Variants in NETO2 observed in about 807,000 individuals in gnomAD.
The protein encoded by NETO2 is neuropilin and tolloid-like protein 2.
Under a neutral mutation model 62.5 loss-of-function variants are expected in NETO2, and 28 were observed. The observed-to-expected ratio is 0.45, with a 90% CI of 0.33 to 0.61. The LOEUF (loss-of-function observed/expected upper bound fraction) is 0.61. NETO2 is among the 20% of genes least tolerant of loss of function. NETO2 has a pLI of 0.02. For synonymous variants in NETO2, 214 were observed against 219.1 expected (o/e 0.98, Z 0.21); for missense variants, 548 against 643.2 (o/e 0.85, Z 1.60).
intron 1 of NETO2, among the ~76,000 whole-genome samples, chr16:47,138,818 A>T (rs1964408017): frequency 6.6e-6 from 1 of 152,128 alleles, no homozygotes; most frequent in Admixed American, 6.5e-5. Flanking sequence ...GTACTATGTG[A>T]CCTGGAGCCT....
intron 7 of NETO2, among the ~76,000 whole-genome samples, chr16:47,099,919 A>C (rs1963506682): frequency 6.6e-6 from 1 of 152,254 alleles, no homozygotes; most frequent in Admixed American, 6.5e-5. Flanking sequence ...AAAATTAACA[A>C]GGATATTCAG....
chr16:47,083,023 A>G lies in NETO2; in HGVS notation c.*198T>C. The stretch of plus-strand genomic sequence containing the variant: ...TAGAGATGATTATTGTTTCCACTGA[A>G]TAGAGTAAGTTCCTTGATTGGTTTA... On this transcript the variant is annotated 3_prime_UTR_variant, in exon 9 of 9. Coordinates refer to ENST00000562435, the MANE Select transcript of NETO2 (RefSeq NM_018092.5). The G allele has an allele frequency of 1.9e-6, 1 of 518,074 alleles. No homozygotes were observed. Among genetic ancestry groups the G allele is most frequent in the Non-Finnish European group, 3.4e-6 (1 of 297,462 alleles). 32.1% of individuals were successfully genotyped at this position (518,074 alleles called of 1,614,324 possible).
intron 7 of NETO2, 138 bp from the exon 8 acceptor site, chr16:47,086,477 A>C: frequency 1.6e-6 from 1 of 613,944 alleles, no homozygotes; most frequent in Non-Finnish European, 2.9e-6. Context: ...TATTCAAACA[A>C]TAAGACAAAC....
chr16:47,138,219 G>T (rs1368613621), intron 1 of NETO2, among the ~76,000 whole-genome samples: 1 of 152,174 alleles, frequency 6.6e-6, no homozygotes, highest in Non-Finnish European at 1.5e-5. Context: ...GAACAATATG[G>T]TGAAACCCCG....
At chr16:47,103,925 T>A (rs1963613412) in intron 7 of NETO2, among the ~76,000 whole-genome samples, 2 of 152,194 alleles carry the variant, frequency 1.3e-5, no homozygotes, top group Non-Finnish European at 2.9e-5. Context: ...GCTAACATCA[T>A]AATCAGTAGT....
chr16:47,120,065 TA>T (rs1292517605), intron 6 of NETO2, among the ~76,000 whole-genome samples: 2 of 151,750 alleles, frequency 1.3e-5, no homozygotes, highest in Non-Finnish European at 2.9e-5. Flanking sequence ...TACTAAGAAG[TA>T]AAAAAAAATT....
At chr16:47,099,315 T>C (rs1963494717) in intron 7 of NETO2, among the ~76,000 whole-genome samples, 1 of 152,196 alleles carries the variant, frequency 6.6e-6, no homozygotes, top group Non-Finnish European at 1.5e-5. Flanking sequence ...AAGGAAGCAC[T>C]AAATATGGAA....
rs146390538 is a variant in NETO2, at chr16:47,101,643, T to C, written c.883+7840A>G. Among the ~76,000 whole-genome samples, 55 of 151,114 alleles carry C rather than the reference T, an allele frequency of 3.6e-4. No individual in the cohort carries two copies. In the Middle Eastern group the frequency reaches 0.02, roughly 56 times the overall value. On this transcript the variant is annotated intron_variant, in intron 7 of 8. Coordinates refer to ENST00000562435, the MANE Select transcript of NETO2 (RefSeq NM_018092.5). ...CACAAGGATTCCTATACACCAATAA[T>C]AGACAGAGAGCCAAATCATGAGTGA...
In NETO2 at chr16:47,086,229, T is replaced by A; in HGVS notation, c.994A>T (p.Lys332Ter). Residue 332 changes from lysine to a stop codon, truncating the protein, a stop_gained, in exon 8 of 9, where the codon AAA becomes TAA. Transcript: ENST00000562435. LOFTEE classifies it high-confidence loss of function. ...TTGGCCTTTACATCAAACTCACCTT[T>A]ACAATGATTTTCATCCCAAGGGTAT... ...CAYPWDENHC[K>*]EKKKAGVFEQ... The A allele has an allele frequency of 3.2e-6, 5 of 1,586,146 alleles. No homozygotes were observed. Among genetic ancestry groups the A allele is most frequent in the Non-Finnish European group, 4.3e-6 (5 of 1,154,654 alleles).
chr16:47,143,348 C>T (rs542633192), intron 1 of NETO2, among the ~76,000 whole-genome samples: 2 of 152,130 alleles, frequency 1.3e-5, no homozygotes, highest in African/African-American at 4.8e-5. Context: ...CCACACGCGC[C>T]CCGCGAACGT....
intron 7 of NETO2, among the ~76,000 whole-genome samples, chr16:47,090,769 G>A (rs757437767): frequency 7.9e-5 from 12 of 152,324 alleles, no homozygotes; most frequent in Non-Finnish European, 1.3e-4. Context: ...TCCTAAAACT[G>A]TTTCTTTCTT....
At chr16:47,130,311 A>C (rs570977071) in intron 2 of NETO2, among the ~76,000 whole-genome samples, 2 of 152,186 alleles carry the variant, frequency 1.3e-5, no homozygotes, top group African/African-American at 4.8e-5. Flanking sequence ...CCAGTGTCAG[A>C]TCTGTCAACA....
chr16:47,116,261 T>C (rs1036312004), intron 6 of NETO2, among the ~76,000 whole-genome samples: 2 of 151,876 alleles, frequency 1.3e-5, no homozygotes, highest in Non-Finnish European at 1.5e-5. Flanking sequence ...GCTGGAACTA[T>C]GGATGCATGC....
chr16:47,112,644 G>A (rs1305030358), intron 6 of NETO2, among the ~76,000 whole-genome samples: 2 of 152,204 alleles, frequency 1.3e-5, no homozygotes, highest in South Asian at 4.1e-4. Flanking sequence ...ACAAGCGTGA[G>A]CCACTGCGCC....
chr16:47,108,936 C>G (rs1007150777), intron 7 of NETO2, among the ~76,000 whole-genome samples: 3 of 152,040 alleles, frequency 2.0e-5, no homozygotes, highest in Non-Finnish European at 2.9e-5. Flanking sequence ...CTTTGATGAC[C>G]ATAGTTTCAT....
At chr16:47,126,759 T>C (rs751044757) in intron 4 of NETO2, among the ~76,000 whole-genome samples, 2 of 152,214 alleles carry the variant, frequency 1.3e-5, no homozygotes, top group Non-Finnish European at 2.9e-5. Context: ...GCTGTGAACC[T>C]AAAACTGTTC....
rs1252734991 is a variant in NETO2, at chr16:47,143,917, C to T, written c.-305G>A. 2.7e-5 allele frequency: 5 copies of T among 184,362 alleles called. No individual in the cohort carries two copies. Among genetic ancestry groups the T allele is most frequent in the African/African-American group, 9.5e-5 (4 of 42,088 alleles). The allele number at this position is 184,362 out of a possible 1,614,324, so 11.4% of individuals were successfully genotyped here. A position where few individuals can be genotyped will look rare whatever the true frequency, so the allele number is the denominator to read the frequency against. ...CGCGGGACCGGCAGGCAGCTCCGCCCGCGGCCCCGGCGCGGGATCCACTGA... is the reference window on the plus strand; with the variant it reads ...CGCGGGACCGGCAGGCAGCTCCGCCTGCGGCCCCGGCGCGGGATCCACTGA... On this transcript the variant is annotated 5_prime_UTR_variant, in exon 1 of 9. Transcript: ENST00000562435.
At chr16:47,114,376 TTTTCTC>T (rs1963864020) in intron 6 of NETO2, among the ~76,000 whole-genome samples, 1 of 150,384 alleles carries the variant, frequency 6.6e-6, no homozygotes, top group Admixed American at 6.6e-5. Flanking sequence ...TTTTTTTTTT[TTTTCTC>T]ACTCAACAGT....
chr16:47,123,394 T>C (rs1041622983), intron 4 of NETO2, among the ~76,000 whole-genome samples: 1 of 152,098 alleles, frequency 6.6e-6, no homozygotes, highest in African/African-American at 2.4e-5. Flanking sequence ...TAGTGCCAGC[T>C]ACTTGGGAAG....
Sources: gnomAD v4.1 joint callset for allele counts (sites outside exome capture counted in the v4.1 genomes callset) on GRCh38, gnomAD v4.1.1 for gene constraint, MANE v1.5 for transcripts, NCBI Gene and HGNC (gene_info 2026-07-23, HGNC 2026-07-21) for gene names.